The following TMEM132C variants were observed in gnomAD, a reference collection of about 807,000 sequenced individuals.
TMEM132C encodes the protein transmembrane protein 132C.
In TMEM132C, 29 loss-of-function variants were observed where a neutral mutation model predicts 61.4. That is an observed-to-expected ratio of 0.47 (90% CI 0.35 to 0.64). TMEM132C has a LOEUF of 0.64. TMEM132C is among the 30% of genes least tolerant of loss of function. The probability of loss-of-function intolerance (pLI) is 0.00; values close to 1 mark genes in which losing one functional copy is unlikely to be tolerated. For missense variants in TMEM132C, 1,408 were observed against 1,476.9 expected (o/e 0.95, Z 0.76); for synonymous variants, 656 against 633.1 (o/e 1.04, Z -0.54).
At chr12:128,535,510 A>G (rs1302263085) in intron 2 of TMEM132C, among the ~76,000 whole-genome samples, 3 of 152,200 alleles carry the variant, frequency 2.0e-5, no homozygotes, top group African/African-American at 7.2e-5. Context: ...ACTTGCATCA[A>G]AGAAATGCAA....
At chr12:128,446,465 A>G (rs73440643) in intron 2 of TMEM132C, among the ~76,000 whole-genome samples, 3,339 of 152,338 alleles carry the variant, frequency 0.022, 117 homozygotes, top group African/African-American at 0.076. Flanking sequence ...ACACATTTGC[A>G]AATGCCAAAC....
At chr12:128,543,036 C>T (rs1057109332) in intron 2 of TMEM132C, among the ~76,000 whole-genome samples, 2 of 152,020 alleles carry the variant, frequency 1.3e-5, no homozygotes, top group African/African-American at 2.4e-5. Context: ...TTGTCTCGTC[C>T]GTTTATTGAT....
chr12:128,649,928 C>G (rs1265239602), intron 4 of TMEM132C, among the ~76,000 whole-genome samples: 1 of 152,202 alleles, frequency 6.6e-6, no homozygotes, highest in Non-Finnish European at 1.5e-5. Flanking sequence ...CCAGCTTGCA[C>G]TATGAATGAA....
intron 5 of TMEM132C, among the ~76,000 whole-genome samples, chr12:128,686,076 TGC>T (rs10577544): frequency 0.092 from 6,166 of 66,968 alleles, 425 homozygotes; most frequent in African/African-American, 0.18. Flanking sequence ...CATGCGTGTG[TGC>T]GCATGTGTGT....
intron 1 of TMEM132C, among the ~76,000 whole-genome samples, chr12:128,396,241 G>A (rs551249518): frequency 6.6e-6 from 1 of 152,146 alleles, no homozygotes; most frequent in South Asian, 2.1e-4. Context: ...ACTTCTTGGA[G>A]ATCTTTCTAT....
At chr12:128,450,360 A>G (rs1359587748) in intron 2 of TMEM132C, among the ~76,000 whole-genome samples, 1 of 152,174 alleles carries the variant, frequency 6.6e-6, no homozygotes, top group Non-Finnish European at 1.5e-5. Context: ...AGACCAACTC[A>G]TTTTATAGTT....
In TMEM132C at chr12:128,489,750, C is replaced by A. The variant is rs530525518; in HGVS notation, c.975-54207C>A. 3.3e-5 allele frequency among the ~76,000 whole-genome samples: 5 copies of A among 152,078 alleles called. No homozygotes were observed. In the South Asian group the frequency reaches 1.0e-3, roughly 32 times the overall value. On this transcript the variant is annotated intron_variant, in intron 2 of 8. Transcript: ENST00000435159. ...TTCACATGCCTCAGTCAGAAATTTTCTCGCCTCACTCAGACTCATGTCTAT... is the reference window on the plus strand; with the variant it reads ...TTCACATGCCTCAGTCAGAAATTTTATCGCCTCACTCAGACTCATGTCTAT...
chr12:128,596,378 T>C (rs1247901346), intron 3 of TMEM132C, among the ~76,000 whole-genome samples: 1 of 79,938 alleles, frequency 1.3e-5, no homozygotes, highest in Non-Finnish European at 2.4e-5. Context: ...TGGTACAGAG[T>C]GGGCAGGGCT....
intron 4 of TMEM132C, 59 bp from the exon 5 acceptor site, chr12:128,669,358 C>A: frequency 6.5e-7 from 1 of 1,535,094 alleles, no homozygotes; most frequent in Middle Eastern, 1.7e-4. Flanking sequence ...TAGAATTGTC[C>A]AGTTCCCAAC....
intron 4 of TMEM132C, among the ~76,000 whole-genome samples, chr12:128,625,305 G>A (rs1010753516): frequency 2.0e-5 from 3 of 152,214 alleles, no homozygotes; most frequent in African/African-American, 7.2e-5. Flanking sequence ...CAGGTTCAGT[G>A]TCTGGTGAGG....
chr12:128,363,129 T>C (rs1307238974), intron 1 of TMEM132C, among the ~76,000 whole-genome samples: 1 of 152,248 alleles, frequency 6.6e-6, no homozygotes, highest in Non-Finnish European at 1.5e-5. Context: ...CTCCGTTTTG[T>C]AGGAAAAAGT....
At chr12:128,311,651 A>G (rs948813712) in intron 1 of TMEM132C, among the ~76,000 whole-genome samples, 13 of 152,204 alleles carry the variant, frequency 8.5e-5, no homozygotes, top group African/African-American at 3.1e-4. Context: ...CCTTCGTGCA[A>G]GAAACGTGGC....
chr12:128,505,522 T>C lies in TMEM132C; in HGVS notation c.975-38435T>C, dbSNP rs145066747. Reference sequence around the variant, plus strand: ...ATTGGGGCCCTGGTACCCACCCCCATGGAGGAGAAACATAGCAACCAAAAA... The same window carrying C: ...ATTGGGGCCCTGGTACCCACCCCCACGGAGGAGAAACATAGCAACCAAAAA... On this transcript the variant is annotated intron_variant, in intron 2 of 8. Transcript: ENST00000435159. Among the ~76,000 whole-genome samples, 720 of 152,280 alleles carry C rather than the reference T, an allele frequency of 4.7e-3. 2 individuals carry two copies. Among genetic ancestry groups the C allele is most frequent in the Admixed American group, 9.3e-3 (142 of 15,296 alleles).
chr12:128,457,715 G>C (rs1870393509), intron 2 of TMEM132C, among the ~76,000 whole-genome samples: 1 of 152,130 alleles, frequency 6.6e-6, no homozygotes, highest in South Asian at 2.1e-4. Context: ...AGAGGTTACA[G>C]GTCAAGGTCA....
At position 128,386,707 on chromosome 12, in the gene TMEM132C, C is replaced by T. The variant is rs182197040; in HGVS notation, c.86-28025C>T. Among the ~76,000 whole-genome samples the T allele has an allele frequency of 6.7e-3, 1,017 of 152,306 alleles. 6 individuals carry two copies. Among genetic ancestry groups the T allele is most frequent in the Non-Finnish European group, 0.012 (800 of 68,022 alleles). On this transcript the variant is annotated intron_variant, in intron 1 of 8. Coordinates refer to ENST00000435159, the MANE Select transcript of TMEM132C (RefSeq NM_001136103.3). ...TGAAGTAGGTTTCATTCTTATCCCC[C>T]ATCTTTTAGATGAGGACATTGAGGC...
At position 128,291,941 on chromosome 12, in the gene TMEM132C, C is replaced by G. The variant is rs560451000; in HGVS notation, c.85+24454C>G. On this transcript the variant is annotated intron_variant, in intron 1 of 8. Coordinates refer to ENST00000435159, the MANE Select transcript of TMEM132C (RefSeq NM_001136103.3). ...CCCGGCTGACCGGAGGCAGCTTCTGCGCACTGTGTCCTGGTTTGCACCCTG... is the reference window on the plus strand; with the variant it reads ...CCCGGCTGACCGGAGGCAGCTTCTGGGCACTGTGTCCTGGTTTGCACCCTG... Among the ~76,000 whole-genome samples, 68 of 152,190 alleles carry G rather than the reference C, an allele frequency of 4.5e-4. 1 individual carries two copies. Among genetic ancestry groups the G allele is most frequent in the Non-Finnish European group, 8.5e-4 (58 of 68,038 alleles).
chr12:128,304,585 G>A (rs1413626075), intron 1 of TMEM132C, among the ~76,000 whole-genome samples: 2 of 151,644 alleles, frequency 1.3e-5, no homozygotes, highest in Admixed American at 6.6e-5. Context: ...CTCCAGCCTG[G>A]GTGACAGAGC....
At position 128,696,040 on chromosome 12, in the gene TMEM132C, C is replaced by A. The variant is rs190794438; in HGVS notation, c.1866C>A (p.His622Gln). 6.4e-7 allele frequency: 1 copy of A among 1,551,598 alleles called. No homozygotes were observed. The highest frequency in any genetic ancestry group is 8.7e-7 in the Non-Finnish European group (1 of 1,147,012). Residue 622 changes from histidine (H) to glutamine (Q), a missense_variant, in exon 7 of 9, where the codon CAC (histidine) becomes CAA (glutamine). Physicochemically the swap from His to Gln is conservative, Grantham distance 24 (BLOSUM62 0). Transcript: ENST00000435159. ...ACTTCATGAAGCTGGAGGAACCTCA[C>A]GTGGCCACCCTCCAGGACAGCCGGG... is the stretch of plus-strand genomic sequence containing the variant. ...VADFMKLEEP[H>Q]VATLQDSRVL...
chr12:128,410,403 G>A (rs1336975022), intron 1 of TMEM132C, among the ~76,000 whole-genome samples: 2 of 151,986 alleles, frequency 1.3e-5, no homozygotes, highest in Non-Finnish European at 2.9e-5. Context: ...ATATGTATAT[G>A]TTTGTATGTA....
Sources: gnomAD v4.1 joint callset for allele counts (sites outside exome capture counted in the v4.1 genomes callset) on GRCh38, gnomAD v4.1.1 for gene constraint, MANE v1.5 for transcripts, NCBI Gene and HGNC (gene_info 2026-07-23, HGNC 2026-07-21) for gene names.